The following CNTNAP3B variants were observed in gnomAD, a reference collection of about 807,000 sequenced individuals.
The protein encoded by CNTNAP3B is contactin associated protein family member 3B.
In CNTNAP3B, 25 loss-of-function variants were observed where a neutral mutation model predicts 108.9. The observed-to-expected ratio is 0.23, with a 90% CI of 0.17 to 0.32. The LOEUF (loss-of-function observed/expected upper bound fraction) is 0.32. Among genes scored for constraint, CNTNAP3B ranks in the 10% least tolerant of loss-of-function variants. The pLI is 1.00. For missense variants in CNTNAP3B, 252 were observed against 1,210.4 expected (o/e 0.21, Z 11.75); for synonymous variants, 103 against 473.4 (o/e 0.22, Z 10.16).
In CNTNAP3B at chr9:41,990,696, C is replaced by T. The variant is rs1295018382; in HGVS notation, c.1333+914G>A. ...TTTTTTTAAAGCCCCCATTTAGTTC[C>T]GATGCCAATTTAGGCACAATGTCAA... On this transcript the variant is annotated intron_variant, in intron 8 of 23. Coordinates refer to ENST00000377561, the MANE Select transcript of CNTNAP3B (RefSeq NM_001201380.3). Among the ~76,000 whole-genome samples, 48 of 135,480 alleles carry T rather than the reference C, an allele frequency of 3.5e-4. 1 individual carries two copies. The highest frequency in any genetic ancestry group is 1.4e-3 in the African/African-American group (47 of 34,724). 88.9% of individuals were successfully genotyped at this position (135,480 alleles called of 152,430 possible).
intron 14 of CNTNAP3B, among the ~76,000 whole-genome samples, chr9:41,930,594 T>G (rs901082146): frequency 1.3e-5 from 2 of 152,196 alleles, no homozygotes; most frequent in African/African-American, 2.4e-5. Flanking sequence ...GCTCACCTTT[T>G]GTCGAACAGA....
chr9:41,932,776 G>T (rs1246528199), intron 14 of CNTNAP3B, among the ~76,000 whole-genome samples: 2 of 152,188 alleles, frequency 1.3e-5, no homozygotes, highest in East Asian at 1.9e-4. Flanking sequence ...CCTTGGCCTC[G>T]CAAAGTGCTG....
chr9:41,979,929 T>G (rs1422882052), intron 9 of CNTNAP3B: 12 of 129,666 alleles, frequency 9.3e-5, no homozygotes, highest in Non-Finnish European at 1.8e-4. Context: ...ATTCTCAGGG[T>G]GTGTTTGAGG....
chr9:41,934,479 C>T (rs1824094169), intron 14 of CNTNAP3B, among the ~76,000 whole-genome samples: 1 of 152,380 alleles, frequency 6.6e-6, no homozygotes. Context: ...CCTCGGCCTC[C>T]CAAAGTGCTG....
intron 3 of CNTNAP3B, among the ~76,000 whole-genome samples, chr9:42,037,256 A>C (rs1826651470): frequency 7.7e-6 from 1 of 130,692 alleles, no homozygotes; most frequent in African/African-American, 3.1e-5. Context: ...TGTACCCTAA[A>C]ACTTAAAGTA....
At chr9:41,964,755 A>G in intron 10 of CNTNAP3B, 111 bp from the exon 11 acceptor site, 2 of 1,399,910 alleles carry the variant, frequency 1.4e-6, no homozygotes, top group Non-Finnish European at 1.9e-6. Flanking sequence ...ATAACCCCAC[A>G]TGACGTGATT....
rs1422056242 is a variant in CNTNAP3B at position 41,988,121 on chromosome 9, T to G, written c.1334-1810A>C. Among the ~76,000 whole-genome samples, 908 of 99,124 alleles carry G rather than the reference T, an allele frequency of 9.2e-3. 5 individuals are homozygous for G. Among genetic ancestry groups the G allele is most frequent in the African/African-American group, 0.035 (856 of 24,212 alleles). The allele number at this position is 99,124 out of a possible 152,430, so 65.0% of individuals were successfully genotyped here. ...AGTAATAAAGTGTAAGGAAATAAATTATTCTTTAAAATCAACCAAGATTCT... is the reference window on the plus strand; with the variant it reads ...AGTAATAAAGTGTAAGGAAATAAATGATTCTTTAAAATCAACCAAGATTCT... On this transcript the variant is annotated intron_variant, in intron 8 of 23. Coordinates refer to ENST00000377561, the MANE Select transcript of CNTNAP3B (RefSeq NM_001201380.3).
chr9:42,085,948 A>T (rs936038197), intron 2 of CNTNAP3B, among the ~76,000 whole-genome samples: 1 of 144,742 alleles, frequency 6.9e-6, no homozygotes, highest in African/African-American at 2.7e-5. Context: ...GTGGTTATCC[A>T]TTCAGTGGCT....
intron 6 of CNTNAP3B, among the ~76,000 whole-genome samples, 167 bp downstream of exon 6, chr9:41,997,401 A>G (rs1279455652): frequency 2.0e-5 from 3 of 152,180 alleles, no homozygotes; most frequent in Admixed American, 6.5e-5. Flanking sequence ...ATGATCTATT[A>G]TAATAAACTG....
chr9:42,060,008 T>A (rs1173214592), intron 3 of CNTNAP3B, among the ~76,000 whole-genome samples: 1 of 151,310 alleles, frequency 6.6e-6, no homozygotes, highest in Admixed American at 6.6e-5. Flanking sequence ...AAATTTGGAT[T>A]TTTTTTCTTC....
chr9:41,945,934 T>A (rs1290055837), intron 13 of CNTNAP3B, among the ~76,000 whole-genome samples: 12 of 152,238 alleles, frequency 7.9e-5, no homozygotes, highest in Non-Finnish European at 1.8e-4. Context: ...AGACAGAGTA[T>A]CTAAATTAAT....
At position 41,934,126 on chromosome 9, in the gene CNTNAP3B, C is replaced by CATATATATATATATATATAT. The variant is rs1824074627; in HGVS notation, c.2237+4117_2237+4118insATATATATATATATATATAT. Reference sequence around the variant, plus strand: ...ATATATATATATATATATATATACACACACATATATATATACACACACATA... The same window carrying CATATATATATATATATATAT: ...ATATATATATATATATATATATACACATATATATATATATATATATACACATATATATATACACACACATA... On this transcript the variant is annotated intron_variant, in intron 14 of 23. Coordinates refer to ENST00000377561, the MANE Select transcript of CNTNAP3B (RefSeq NM_001201380.3). Among the ~76,000 whole-genome samples, 94 of 22,284 alleles carry CATATATATATATATATATAT rather than the reference C, an allele frequency of 4.2e-3. 1 individual carries two copies. Among genetic ancestry groups the CATATATATATATATATATAT allele is most frequent in the African/African-American group, 0.012 (86 of 7,178 alleles). 14.6% of individuals were successfully genotyped at this position (22,284 alleles called of 152,430 possible).
At chr9:42,113,667 G>C (rs1323896554) in intron 1 of CNTNAP3B, among the ~76,000 whole-genome samples, 1 of 139,710 alleles carries the variant, frequency 7.2e-6, no homozygotes, top group Non-Finnish European at 1.5e-5. Flanking sequence ...TTAATAAAGG[G>C]CAATAAATGA....
chr9:42,118,300 C>T lies in CNTNAP3B; in HGVS notation c.85+10710G>A, dbSNP rs1486742328. Among the ~76,000 whole-genome samples, 3 of 139,374 alleles carry T rather than the reference C, an allele frequency of 2.2e-5. 1 individual carries two copies. Among genetic ancestry groups the T allele is most frequent in the African/African-American group, 8.5e-5 (3 of 35,140 alleles). 91.4% of individuals were successfully genotyped at this position (139,374 alleles called of 152,430 possible). Reference sequence around the variant, plus strand: ...CAATAAAATACTGGCAAACTGAATACAGCAACACATCAAAAAGCTTATCCA... The same window carrying T: ...CAATAAAATACTGGCAAACTGAATATAGCAACACATCAAAAAGCTTATCCA... On this transcript the variant is annotated intron_variant, in intron 1 of 23. Coordinates refer to ENST00000377561, the MANE Select transcript of CNTNAP3B (RefSeq NM_001201380.3).
At chr9:41,913,639 A>G (rs1332824394) in intron 18 of CNTNAP3B, among the ~76,000 whole-genome samples, 1 of 140,900 alleles carries the variant, frequency 7.1e-6, no homozygotes, top group Non-Finnish European at 1.5e-5. Context: ...TCATCTTCCC[A>G]AAATTAAACT....
intron 11 of CNTNAP3B, among the ~76,000 whole-genome samples, chr9:41,961,546 C>T (rs1825091886): frequency 6.6e-6 from 1 of 152,306 alleles, no homozygotes. Flanking sequence ...TGGTATTTTC[C>T]CATAAGCATT....
chr9:41,953,151 G>C, intron 13 of CNTNAP3B, 32 bp downstream of exon 13: 1 of 1,493,662 alleles, frequency 6.7e-7, no homozygotes, highest in Non-Finnish European at 8.8e-7. Flanking sequence ...CCGGCCTCGT[G>C]AGCCCCTGTA....
rs1446712922 is a variant in CNTNAP3B at position 41,918,470 on chromosome 9, A to C, written c.2995+1600T>G. Among the ~76,000 whole-genome samples the C allele has an allele frequency of 9.0e-5, 13 of 144,776 alleles. 1 individual carries two copies. The highest frequency in any genetic ancestry group is 3.9e-4 in the East Asian group (2 of 5,066). The allele number at this position is 144,776 out of a possible 152,430, so 95.0% of individuals were successfully genotyped here. A position where few individuals can be genotyped will look rare whatever the true frequency, so the allele number is the denominator to read the frequency against. On this transcript the variant is annotated intron_variant, in intron 18 of 23. Transcript: ENST00000377561. Reference sequence around the variant, plus strand: ...TTAGTACACACATACACATACACACACCCCCCAAATATATCTGTAAATAAA... The same window carrying C: ...TTAGTACACACATACACATACACACCCCCCCCAAATATATCTGTAAATAAA...
At chr9:41,955,045 A>G (rs1824813806) in intron 12 of CNTNAP3B, among the ~76,000 whole-genome samples, 1 of 151,324 alleles carries the variant, frequency 6.6e-6, no homozygotes, top group South Asian at 2.1e-4. Flanking sequence ...TCTCACCTTC[A>G]GAGTTTTCCT....
Sources: allele counts gnomAD v4.1 joint callset (sites outside exome capture counted in the v4.1 genomes callset), GRCh38; gene constraint gnomAD v4.1.1; transcripts MANE v1.5; gene names NCBI Gene and HGNC (gene_info 2026-07-23, HGNC 2026-07-21).